Variants in HHIP observed in about 807,000 individuals in gnomAD.
The protein encoded by HHIP is hedgehog interacting protein, also known as hedgehog-interacting protein.
Under a neutral mutation model 74.0 loss-of-function variants are expected in HHIP, and 12 were observed. The ratio of observed to expected loss-of-function variants is 0.16; its 90% CI spans 0.10 to 0.26. HHIP has a LOEUF of 0.26. HHIP is among the 10% of genes least tolerant of loss of function. The pLI, the probability that HHIP is intolerant of heterozygous loss-of-function variation, is 1.00. For missense variants in HHIP, 788 were observed against 845.0 expected, an observed-to-expected ratio of 0.93 and a Z score of 0.84; for synonymous variants, 309 against 311.6, an observed-to-expected ratio of 0.99 and a Z score of 0.09.
intron 4 of HHIP, among the ~76,000 whole-genome samples, chr4:144,664,025 T>A (rs1348978846): frequency 6.6e-6 from 1 of 152,190 alleles, no homozygotes; most frequent in Non-Finnish European, 1.5e-5. Context: ...CGCCACTTAG[T>A]TCTTGCGAGT....
At chr4:144,724,551 G>A (rs2126678015) in intron 11 of HHIP, among the ~76,000 whole-genome samples, 2 of 150,958 alleles carry the variant, frequency 1.3e-5, no homozygotes, top group East Asian at 3.9e-4. Flanking sequence ...ATGATGTTTT[G>A]ATAAATGTTG....
intron 4 of HHIP, among the ~76,000 whole-genome samples, chr4:144,693,732 CTGAA>C (rs1729739358): frequency 6.6e-6 from 1 of 151,962 alleles, no homozygotes; most frequent in African/African-American, 2.4e-5. Context: ...TTTATTCTAT[CTGAA>C]TGGAGTAGAC....
chr4:144,722,968 G>A (rs1474613358), intron 11 of HHIP, among the ~76,000 whole-genome samples: 1 of 152,082 alleles, frequency 6.6e-6, no homozygotes, highest in African/African-American at 2.4e-5. Flanking sequence ...AAAGAATTCT[G>A]ACAAAGTTAT....
intron 12 of HHIP, among the ~76,000 whole-genome samples, chr4:144,735,905 A>G (rs1251042448): frequency 6.6e-6 from 1 of 152,194 alleles, no homozygotes; most frequent in African/African-American, 2.4e-5. Context: ...TGTGATTAAT[A>G]CTATGGTTAT....
intron 4 of HHIP, among the ~76,000 whole-genome samples, chr4:144,692,509 T>G (rs1479406902): frequency 6.6e-6 from 1 of 152,208 alleles, no homozygotes; most frequent in African/African-American, 2.4e-5. Context: ...CTTCTCATCC[T>G]TGAAGTCTCA....
At chr4:144,710,354 A>T (rs1208806742) in intron 7 of HHIP, among the ~76,000 whole-genome samples, 1 of 152,174 alleles carries the variant, frequency 6.6e-6, no homozygotes, top group Non-Finnish European at 1.5e-5. Flanking sequence ...GAATCATTGA[A>T]CTAGAGAGGA....
intron 2 of HHIP, among the ~76,000 whole-genome samples, 170 bp from the exon 3 acceptor site, chr4:144,658,620 C>G (rs1273899410): frequency 6.6e-6 from 1 of 152,110 alleles, no homozygotes. Flanking sequence ...CCACCCACCT[C>G]AGCCTCACAA....
chr4:144,700,884 C>T (rs926016692), intron 4 of HHIP, among the ~76,000 whole-genome samples: 1 of 152,166 alleles, frequency 6.6e-6, no homozygotes, highest in Non-Finnish European at 1.5e-5. Flanking sequence ...CAATCTGGTA[C>T]TGTGTTTGAA....
rs777792875 is a variant in HHIP, at chr4:144,738,422, G to A, written c.*465G>A. 19 of 966,852 alleles carry A rather than the reference G, an allele frequency of 2.0e-5. No individual in the cohort carries two copies. Among genetic ancestry groups the A allele is most frequent in the Middle Eastern group, 5.3e-4 (1 of 1,892 alleles). The allele number at this position is 966,852 out of a possible 1,614,324, so 59.9% of individuals were successfully genotyped here. Reference sequence around the variant, plus strand: ...TTAAAGTACTATACTAGGAGAGAATGTTTCAGAACTCCCTGATGAATTTCT... The same window carrying A: ...TTAAAGTACTATACTAGGAGAGAATATTTCAGAACTCCCTGATGAATTTCT... On this transcript the variant is annotated 3_prime_UTR_variant, in exon 13 of 13. Coordinates refer to ENST00000296575, the MANE Select transcript of HHIP (RefSeq NM_022475.3).
intron 12 of HHIP, among the ~76,000 whole-genome samples, chr4:144,737,287 T>C (rs1731146610): frequency 6.6e-6 from 1 of 152,136 alleles, no homozygotes; most frequent in South Asian, 2.1e-4. Context: ...TGGTGGATAT[T>C]CCACCCAACC....
intron 12 of HHIP, among the ~76,000 whole-genome samples, chr4:144,737,366 G>A (rs1358267851): frequency 6.6e-6 from 1 of 152,156 alleles, no homozygotes; most frequent in Non-Finnish European, 1.5e-5. Context: ...TCCCCCTCAG[G>A]CTGGGCCACT....
At chr4:144,678,402 A>G (rs1729231049) in intron 4 of HHIP, among the ~76,000 whole-genome samples, 1 of 152,004 alleles carries the variant, frequency 6.6e-6, no homozygotes, top group South Asian at 2.1e-4. Context: ...TTTTTTTATT[A>G]TTATTACACT....
chr4:144,691,438 G>T (rs1346779044), intron 4 of HHIP, among the ~76,000 whole-genome samples: 1 of 152,144 alleles, frequency 6.6e-6, no homozygotes, highest in Non-Finnish European at 1.5e-5. Context: ...CAAGGCAATT[G>T]GTTGATGTTG....
chr4:144,730,249 T>A (rs946076409), intron 11 of HHIP, among the ~76,000 whole-genome samples: 2 of 148,456 alleles, frequency 1.3e-5, no homozygotes, highest in Admixed American at 6.8e-5. Context: ...AAAATTTTTT[T>A]AAATTTCTGA....
chr4:144,662,500 C>G (rs1014264072), intron 4 of HHIP, among the ~76,000 whole-genome samples: 13 of 152,304 alleles, frequency 8.5e-5, no homozygotes, highest in Middle Eastern at 3.4e-3. Flanking sequence ...AAAGAATTAA[C>G]TTCTTTTTGC....
At chr4:144,700,529 C>T (rs1729944570) in intron 4 of HHIP, among the ~76,000 whole-genome samples, 2 of 152,124 alleles carry the variant, frequency 1.3e-5, no homozygotes, top group Admixed American at 1.3e-4. Flanking sequence ...TATCCTGGAT[C>T]ATCTGGGTGG....
chr4:144,714,836 T>C (rs1730400190), intron 9 of HHIP, among the ~76,000 whole-genome samples: 1 of 152,190 alleles, frequency 6.6e-6, no homozygotes, highest in Non-Finnish European at 1.5e-5. Flanking sequence ...GGTCACATTG[T>C]GGATAATTGT....
At chr4:144,709,469 G>A (rs1730230376) in intron 7 of HHIP, among the ~76,000 whole-genome samples, 1 of 152,164 alleles carries the variant, frequency 6.6e-6, no homozygotes. Context: ...AACATGGGAT[G>A]AGGTGCTTTA....
At chr4:144,689,471 G>A (rs1288039171) in intron 4 of HHIP, among the ~76,000 whole-genome samples, 1 of 152,144 alleles carries the variant, frequency 6.6e-6, no homozygotes, top group Non-Finnish European at 1.5e-5. Context: ...GTGATTCCAG[G>A]ACTTCTATGC....
Sources: allele counts gnomAD v4.1 joint callset (sites outside exome capture counted in the v4.1 genomes callset), GRCh38; gene constraint gnomAD v4.1.1; transcripts MANE v1.5; gene names NCBI Gene and HGNC (gene_info 2026-07-23, HGNC 2026-07-21).